Variants in KLHL6 observed in about 807,000 individuals in gnomAD.
KLHL6 encodes the protein kelch-like protein 6.
Under a neutral mutation model 58.6 loss-of-function variants are expected in KLHL6, and 41 were observed. The observed-to-expected ratio is 0.70, with a 90% CI of 0.55 to 0.91. KLHL6 has a LOEUF of 0.91. Among genes scored for constraint, KLHL6 ranks in the 40% least tolerant of loss-of-function variants. The pLI is 0.00. For synonymous variants in KLHL6, 338 were observed against 322.7 expected (o/e 1.05, Z -0.51); for missense variants, 714 against 805.6 (o/e 0.89, Z 1.38).
chr3:183,535,080 G>T (rs1712320476), intron 1 of KLHL6, among the ~76,000 whole-genome samples: 1 of 151,880 alleles, frequency 6.6e-6, no homozygotes, highest in Admixed American at 6.6e-5. Flanking sequence ...GAGTAGCTGG[G>T]ACTACAGGCT....
intron 3 of KLHL6, among the ~76,000 whole-genome samples, chr3:183,506,776 T>C (rs1201295134): frequency 6.6e-6 from 1 of 151,862 alleles, no homozygotes; most frequent in Non-Finnish European, 1.5e-5. Flanking sequence ...TGCAGTGAGC[T>C]ATGATTGCAC....
chr3:183,555,453 C>A lies in KLHL6; in HGVS notation c.201G>T (p.Met67Ile), dbSNP rs1441304959. The change falls in exon 1 of 7, where the codon ATG becomes ATT. Residue 67 changes from methionine (M) to isoleucine (I), a missense_variant. Transcript: ENST00000341319. Reference protein sequence around the residue: ...ILQNGLETLRMENALTDVILC... With the variant: ...ILQNGLETLRIENALTDVILC... The stretch of plus-strand genomic sequence containing the variant: ...AGATGACATCTGTCAGAGCGTTTTC[C>A]ATTCGCAGGGTTTCCAGGCCATTCT... 1 of 1,614,176 alleles carries A rather than the reference C, an allele frequency of 6.2e-7. No individual in the cohort carries two copies. The highest frequency in any genetic ancestry group is 8.5e-7 in the Non-Finnish European group (1 of 1,180,028).
rs1021580507 is a variant in KLHL6, at chr3:183,492,469, A to T, written c.1564+25T>A. The T allele has an allele frequency of 6.2e-7, 1 of 1,612,190 alleles. No individual in the cohort carries two copies. The highest frequency in any genetic ancestry group is 1.3e-5 in the African/African-American group (1 of 74,872). On this transcript the variant is annotated intron_variant, in intron 6 of 6. Transcript: ENST00000341319. The surrounding 1 kb of genome is among the most constrained non-coding windows in gnomAD (Gnocchi z 5.9). Reference sequence around the variant, plus strand: ...GCGCTCATCAGGTTCTAAGCCATTCAGACCAATAAGAAGCCATTACTCACC... The same window carrying T: ...GCGCTCATCAGGTTCTAAGCCATTCTGACCAATAAGAAGCCATTACTCACC...
intron 3 of KLHL6, among the ~76,000 whole-genome samples, chr3:183,500,886 T>C (rs1455090118): frequency 6.6e-6 from 1 of 152,130 alleles, no homozygotes; most frequent in Non-Finnish European, 1.5e-5. Context: ...TGGTAACAAA[T>C]AGGTTACAGT....
In KLHL6 at chr3:183,527,845, C is replaced by G; in HGVS notation, c.459G>C (p.Gln153His). Reference sequence around the variant, plus strand: ...GCACTGAGCCAGTTTGTTCACACACCTGGAAGAGGTTAGCAGCCTCCAGGA... The same window carrying G: ...GCACTGAGCCAGTTTGTTCACACACGTGGAAGAGGTTAGCAGCCTCCAGGA... Reference protein sequence around the residue: ...QRVLEAANLFQFLRMVDACAS... With the variant: ...QRVLEAANLFHFLRMVDACAS... The change falls in exon 2 of 7, where the codon CAG becomes CAC. Residue 153 changes from glutamine (Q) to histidine (H), a missense_variant and splice_region_variant. This residue lies in a region of KLHL6 where 510 missense variants were observed against 629.7 expected (regional missense o/e 0.81). Coordinates refer to ENST00000341319, the MANE Select transcript of KLHL6 (RefSeq NM_130446.4). The G allele has an allele frequency of 1.2e-6, 2 of 1,613,880 alleles. No individual in the cohort carries two copies. The highest frequency in any genetic ancestry group is 1.7e-6 in the Non-Finnish European group (2 of 1,179,934).
chr3:183,499,728 C>G lies in KLHL6; in HGVS notation c.1009G>C (p.Val337Leu). 3.7e-6 allele frequency: 6 copies of G among 1,611,350 alleles called. No homozygotes were observed. The highest frequency in any genetic ancestry group is 1.1e-5 in the South Asian group (1 of 90,084). ...CTKDERFVAE[V>L]TCLDPLRRSR... ...CGCCTCAGGGGGTCCAGGCAGGTCA[C>G]CTCTGCCACAAACCGTTCATCCTTC... The change falls in exon 4 of 7, where the codon GTG becomes CTG. Residue 337 changes from valine to leucine, a missense_variant. Transcript: ENST00000341319. The surrounding 1 kb of genome is among the most constrained non-coding windows in gnomAD (Gnocchi z 4.6).
chr3:183,502,033 C>T (rs952524061), intron 3 of KLHL6, among the ~76,000 whole-genome samples: 5 of 152,088 alleles, frequency 3.3e-5, no homozygotes, highest in Non-Finnish European at 7.4e-5. Context: ...CTCACGCCTG[C>T]AATCCCAGCA....
At chr3:183,528,138 G>GAACAGAGAGCCACCAGCCCA in intron 1 of KLHL6, 128 bp from the exon 2 acceptor site, 1 of 982,064 alleles carries the variant, frequency 1.0e-6, no homozygotes, top group Non-Finnish European at 1.5e-6. Flanking sequence ...CTGGGCTGGT[G>GAACAGAGAGCCACCAGCCCA]GCTCTCTGTT....
intron 4 of KLHL6, among the ~76,000 whole-genome samples, chr3:183,497,737 C>A (rs908134671): frequency 6.6e-6 from 1 of 152,164 alleles, no homozygotes; most frequent in Non-Finnish European, 1.5e-5. Context: ...CCCCTGAGTG[C>A]CTGAGTGGAG....
Position 183,499,502 on chromosome 3 carries a change from ATTC to A in KLHL6, c.1147+85_1147+87del. 1 of 852,132 alleles carries A rather than the reference ATTC, an allele frequency of 1.2e-6. No individual in the cohort carries two copies. Among genetic ancestry groups the A allele is most frequent in the Non-Finnish European group, 1.9e-6 (1 of 539,320 alleles). The allele number at this position is 852,132 out of a possible 1,614,324, so 52.8% of individuals were successfully genotyped here. On this transcript the variant is annotated intron_variant, in intron 4 of 6. Transcript: ENST00000341319. This position sits in a 1 kb window ranked among gnomAD's most constrained non-coding sequence, Gnocchi z 4.6. ...GCCGGATCATTGCCAATTCACAGTA[ATTC>A]TTCTAGGATGGTTGCCTGGCTGCCA... is the stretch of plus-strand genomic sequence containing the variant.
chr3:183,513,685 C>T (rs959551545), intron 2 of KLHL6, among the ~76,000 whole-genome samples: 1 of 151,752 alleles, frequency 6.6e-6, no homozygotes, highest in African/African-American at 2.4e-5. Flanking sequence ...GTGTATGGAC[C>T]GAATGTGAAT....
intron 4 of KLHL6, among the ~76,000 whole-genome samples, chr3:183,495,734 G>T (rs1717696367): frequency 6.6e-6 from 1 of 152,098 alleles, no homozygotes; most frequent in South Asian, 2.1e-4. Context: ...TCACTGGGAA[G>T]AGTAAGTTTG....
Position 183,490,510 on chromosome 3 carries a change from A to AC in KLHL6, c.*1416_*1417insG, listed in dbSNP as rs1239513756. On this transcript the variant is annotated 3_prime_UTR_variant, in exon 7 of 7. Transcript: ENST00000341319. ...GTCCAAAATGGGCCATCTTATGATC[A>AC]TTTAAAAAAAAAAAGACCGGGCCCA... The AC allele has an allele frequency of 7.3e-6, 1 of 137,550 alleles. No homozygotes were observed. The highest frequency in any genetic ancestry group is 3.0e-5 in the African/African-American group (1 of 33,070). 8.5% of individuals were successfully genotyped at this position (137,550 alleles called of 1,614,324 possible). A position where few individuals can be genotyped will look rare whatever the true frequency, so the allele number is the denominator to read the frequency against.
chr3:183,536,704 T>C (rs1431223823), intron 1 of KLHL6, among the ~76,000 whole-genome samples: 3 of 152,350 alleles, frequency 2.0e-5, no homozygotes, highest in Non-Finnish European at 4.4e-5. Context: ...GAAAGTATTT[T>C]GGACCAAATC....
chr3:183,544,163 C>CAAAAAA (rs56357226), intron 1 of KLHL6, among the ~76,000 whole-genome samples: 15 of 56,964 alleles, frequency 2.6e-4, no homozygotes, highest in African/African-American at 3.6e-4. Flanking sequence ...AACTCAGTCT[C>CAAAAAA]AAAAAAAAAA....
intron 1 of KLHL6, among the ~76,000 whole-genome samples, chr3:183,552,951 G>C (rs1425607514): frequency 6.6e-6 from 1 of 152,108 alleles, no homozygotes; most frequent in Non-Finnish European, 1.5e-5. Flanking sequence ...TCCCTGCCTT[G>C]TCAGGTTGTT....
intron 1 of KLHL6, among the ~76,000 whole-genome samples, chr3:183,554,866 A>C (rs1713052052): frequency 6.6e-6 from 1 of 152,040 alleles, no homozygotes; most frequent in Non-Finnish European, 1.5e-5. Context: ...CTAAATCCTA[A>C]AATTTAAAGT....
chr3:183,509,880 T>C (rs956541847), intron 2 of KLHL6, among the ~76,000 whole-genome samples: 11 of 152,236 alleles, frequency 7.2e-5, no homozygotes, highest in Admixed American at 2.6e-4. Flanking sequence ...AAGAAGACTA[T>C]GAGAATTTTT....
intron 2 of KLHL6, among the ~76,000 whole-genome samples, chr3:183,510,332 C>A (rs1718146228): frequency 6.6e-6 from 1 of 151,776 alleles, no homozygotes; most frequent in African/African-American, 2.4e-5. Flanking sequence ...CTTCTGAAGG[C>A]AGGTCCTGGT....
Sources: gnomAD v4.1 joint callset for allele counts (sites outside exome capture counted in the v4.1 genomes callset) on GRCh38, gnomAD v4.1.1 for gene constraint, gnomAD v4.1.1 regional missense constraint, Gnocchi (gnomAD v3.1) non-coding constraint, MANE v1.5 for transcripts, NCBI Gene and HGNC (gene_info 2026-07-23, HGNC 2026-07-21) for gene names.